Variants in DCHS2 observed in about 807,000 individuals in gnomAD.
DCHS2 encodes protocadherin-23.
A neutral mutation model predicts 182.4 loss-of-function variants in DCHS2; 142 were observed. The observed-to-expected ratio is 0.78, with a 90% confidence interval of 0.68 to 0.89. DCHS2 has a LOEUF of 0.89. DCHS2 is among the 40% of genes least tolerant of loss of function. DCHS2 has a pLI of 0.00. For missense variants in DCHS2, 4,319 were observed against 4,198.6 expected (o/e 1.03, Z -0.79); for synonymous variants, 1,740 against 1,663.3 (o/e 1.05, Z -1.12).
At chr4:154,469,014 C>G (rs950679866) in intron 1 of DCHS2, among the ~76,000 whole-genome samples, 1 of 152,002 alleles carries the variant, frequency 6.6e-6, no homozygotes, top group Non-Finnish European at 1.5e-5. Context: ...ACATATATAT[C>G]AAAACATCAA....
At chr4:154,444,755 T>C (rs994641887) in intron 1 of DCHS2, among the ~76,000 whole-genome samples, 1 of 152,218 alleles carries the variant, frequency 6.6e-6, no homozygotes, top group Non-Finnish European at 1.5e-5. Flanking sequence ...ACACTCAGGA[T>C]AAGATGCAAA....
At chr4:154,369,529 T>A (rs1278331027) in intron 2 of DCHS2, among the ~76,000 whole-genome samples, 1 of 152,198 alleles carries the variant, frequency 6.6e-6, no homozygotes, top group East Asian at 1.9e-4. Context: ...GGAAACTGTT[T>A]CGATAATGCA....
At chr4:154,297,610 A>C (rs1306026275) in intron 13 of DCHS2, among the ~76,000 whole-genome samples, 1 of 152,156 alleles carries the variant, frequency 6.6e-6, no homozygotes, top group African/African-American at 2.4e-5. Context: ...TTCTAACTGA[A>C]TCTTTAATGG....
chr4:154,236,392 CTGCAAAAGAAAAA>C lies in DCHS2; in HGVS notation c.8247_8259del (p.His2749GlnfsTer39), dbSNP rs1288227446. ...TCATCCAGGACACTGACAAACACAA[CTGCAAAAGAAAAA>C]TGTTTCTTTTCTGCATCTGAAGCTT... is the stretch of plus-strand genomic sequence containing the variant. On this transcript the variant is annotated frameshift_variant, in exon 20 of 20. Coordinates refer to ENST00000357232, the MANE Select transcript of DCHS2 (RefSeq NM_001358235.2). LOFTEE classifies it low-confidence loss of function (END_TRUNC). 2 of 1,614,086 alleles carry C rather than the reference CTGCAAAAGAAAAA, an allele frequency of 1.2e-6. No individual in the cohort carries two copies. Among genetic ancestry groups the C allele is most frequent in the Admixed American group, 3.3e-5 (2 of 60,020 alleles).
chr4:154,473,657 A>G (rs1735568104), intron 1 of DCHS2, among the ~76,000 whole-genome samples: 1 of 152,172 alleles, frequency 6.6e-6, no homozygotes, highest in Non-Finnish European at 1.5e-5. Context: ...GTGCTAGCCA[A>G]GCGTGAGGGG....
intron 16 of DCHS2, among the ~76,000 whole-genome samples, chr4:154,247,671 A>AAAAG (rs1560981730): frequency 3.5e-5 from 5 of 141,892 alleles, no homozygotes; most frequent in African/African-American, 1.1e-4. Context: ...AAAAAAAAAA[A>AAAAG]AGAATTAGAA....
chr4:154,451,062 G>T (rs1243078039), intron 1 of DCHS2, among the ~76,000 whole-genome samples: 2 of 152,200 alleles, frequency 1.3e-5, no homozygotes, highest in Non-Finnish European at 2.9e-5. Context: ...TGACCCAAAA[G>T]CTGCTAGTTT....
chr4:154,233,170 C>CTGTT lies in DCHS2; in HGVS notation c.*1362_*1365dup, dbSNP rs1482299165. ...TAGATTTCACATTAGAATTCCTAAA[C>CTGTT]TGTTAGCCTAACACCTGGCCCTCAT... On this transcript the variant is annotated 3_prime_UTR_variant, in exon 20 of 20. Transcript: ENST00000357232. The CTGTT allele has an allele frequency of 4.6e-5, 7 of 152,160 alleles. No individual in the cohort carries two copies. The highest frequency in any genetic ancestry group is 9.7e-5 in the African/African-American group (4 of 41,448). 9.4% of individuals were successfully genotyped at this position (152,160 alleles called of 1,614,324 possible). A position where few individuals can be genotyped will look rare whatever the true frequency, so the allele number is the denominator to read the frequency against.
At position 154,247,635 on chromosome 4, in the gene DCHS2, C is replaced by CAAAAAAAAAAAAAAAAA. The variant is rs67157369; in HGVS notation, c.6942-4880_6942-4864dup. 2.0e-4 allele frequency among the ~76,000 whole-genome samples: 20 copies of CAAAAAAAAAAAAAAAAA among 100,138 alleles called. 1 individual carries two copies. Among genetic ancestry groups the CAAAAAAAAAAAAAAAAA allele is most frequent in the African/African-American group, 7.7e-4 (19 of 24,696 alleles). 65.7% of individuals were successfully genotyped at this position (100,138 alleles called of 152,430 possible). On this transcript the variant is annotated intron_variant, in intron 16 of 19. Transcript: ENST00000357232. ...CTGGGTGAAGAGCAAGACTCCGTCT[C>CAAAAAAAAAAAAAAAAA]AAAAAAAAAAAAAAAAAAAAAAAAA...
intron 1 of DCHS2, among the ~76,000 whole-genome samples, chr4:154,485,264 TG>T (rs1728547125): frequency 6.6e-6 from 1 of 152,010 alleles, no homozygotes; most frequent in Non-Finnish European, 1.5e-5. Flanking sequence ...AGAGGCAGAA[TG>T]TAAGGAGACA....
At chr4:154,244,857 T>C (rs1308302195) in intron 16 of DCHS2, among the ~76,000 whole-genome samples, 1 of 152,180 alleles carries the variant, frequency 6.6e-6, no homozygotes, top group African/African-American at 2.4e-5. Flanking sequence ...CAGATACATA[T>C]GGAAATATTT....
chr4:154,257,232 G>A (rs1334417983), intron 15 of DCHS2, among the ~76,000 whole-genome samples: 1 of 152,144 alleles, frequency 6.6e-6, no homozygotes, highest in African/African-American at 2.4e-5. Context: ...TGGCGACAGA[G>A]CGAGACTTCG....
At chr4:154,487,989 G>T (rs1295156471) in intron 1 of DCHS2, among the ~76,000 whole-genome samples, 2 of 151,906 alleles carry the variant, frequency 1.3e-5, no homozygotes, top group Non-Finnish European at 2.9e-5. Context: ...ACCAGCCTGG[G>T]GAACACAGCT....
intron 3 of DCHS2, chr4:154,357,192 G>T: frequency 6.7e-7 from 1 of 1,498,230 alleles, no homozygotes. Context: ...TCTGACTCTG[G>T]CTTTTTTGGA....
intron 4 of DCHS2, 73 bp from the exon 5 acceptor site, chr4:154,333,567 T>C (rs1728622095): frequency 7.2e-7 from 1 of 1,398,252 alleles, no homozygotes; most frequent in African/African-American, 1.4e-5. Flanking sequence ...AATTGAAATG[T>C]TAATACAGTC....
chr4:154,459,176 T>C (rs527237371), intron 1 of DCHS2, among the ~76,000 whole-genome samples: 1 of 152,198 alleles, frequency 6.6e-6, no homozygotes, highest in South Asian at 2.1e-4. Flanking sequence ...CATTTCAACA[T>C]TAGATTTGTC....
intron 2 of DCHS2, among the ~76,000 whole-genome samples, chr4:154,368,916 T>C (rs1730516760): frequency 6.6e-6 from 1 of 152,186 alleles, no homozygotes; most frequent in East Asian, 1.9e-4. Context: ...CAGATTCCTC[T>C]CACCTGATTT....
chr4:154,300,593 G>A (rs1735159458), intron 12 of DCHS2, among the ~76,000 whole-genome samples: 1 of 151,974 alleles, frequency 6.6e-6, no homozygotes. Flanking sequence ...AGGCTGGGGT[G>A]GGAGAATTGC....
At chr4:154,242,537 T>C in intron 17 of DCHS2, 105 bp downstream of exon 17, 2 of 1,401,228 alleles carry the variant, frequency 1.4e-6, no homozygotes, top group Non-Finnish European at 1.9e-6. Flanking sequence ...GTTTGCTTGG[T>C]TGTTGAGGAT....
Sources: gnomAD v4.1 joint callset for allele counts (sites outside exome capture counted in the v4.1 genomes callset) on GRCh38, gnomAD v4.1.1 for gene constraint, MANE v1.5 for transcripts, NCBI Gene and HGNC (gene_info 2026-07-23, HGNC 2026-07-21) for gene names.